The following CCN4 variants were observed in gnomAD, a reference collection of about 807,000 sequenced individuals.
The protein encoded by CCN4 is CCN family member 4.
In CCN4, 30 loss-of-function variants were observed where a neutral mutation model predicts 36.7. The observed-to-expected ratio is 0.82, with a 90% CI of 0.61 to 1.11. CCN4 has a LOEUF of 1.11. Ranked by LOEUF, CCN4 falls within the 50% of genes least tolerant of loss-of-function variation. The probability of loss-of-function intolerance (pLI) is 0.00; values close to 1 mark genes in which losing one functional copy is unlikely to be tolerated. For synonymous variants in CCN4, 191 were observed against 195.4 expected (o/e 0.98, Z 0.19); for missense variants, 505 against 504.9 (o/e 1.00, Z 0.00).
intron 1 of CCN4, among the ~76,000 whole-genome samples, chr8:133,211,806 G>C (rs542294730): frequency 6.6e-6 from 1 of 152,306 alleles, no homozygotes; most frequent in South Asian, 2.1e-4. Flanking sequence ...TCAAAGCCTG[G>C]CTCCCGTCCC....
At position 133,194,181 on chromosome 8, in the gene CCN4, C is replaced by T. The variant is rs191347377; in HGVS notation, c.69+2968C>T. Among the ~76,000 whole-genome samples the T allele has an allele frequency of 2.6e-5, 4 of 152,162 alleles. No individual in the cohort carries two copies. In the East Asian group the frequency reaches 7.7e-4, roughly 29 times the overall value. ...ACAGGTAAAACCCACATCCTCCCTC[C>T]TGTATCAGTGCATGTGGGATGTGCA... is the stretch of plus-strand genomic sequence containing the variant. On this transcript the variant is annotated intron_variant, in intron 1 of 4. Coordinates refer to ENST00000250160, the MANE Select transcript of CCN4 (RefSeq NM_003882.4).
At chr8:133,201,355 T>A (rs1325183580) in intron 1 of CCN4, among the ~76,000 whole-genome samples, 2 of 152,128 alleles carry the variant, frequency 1.3e-5, no homozygotes, top group East Asian at 3.8e-4. Context: ...TTAAAAAAAA[T>A]TATTTGGGAG....
intron 1 of CCN4, among the ~76,000 whole-genome samples, chr8:133,202,348 C>G (rs1481267510): frequency 6.6e-6 from 1 of 152,184 alleles, no homozygotes; most frequent in Non-Finnish European, 1.5e-5. Context: ...ATGCGGTTGC[C>G]TGTTTTACGT....
chr8:133,203,784 C>T (rs1429321116), intron 1 of CCN4, among the ~76,000 whole-genome samples: 2 of 152,208 alleles, frequency 1.3e-5, no homozygotes, highest in African/African-American at 4.8e-5. Context: ...TCTCCTTCAT[C>T]AAACGGGACG....
intron 1 of CCN4, among the ~76,000 whole-genome samples, chr8:133,210,384 G>GGGGTGT (rs1853965322): frequency 1.5e-5 from 2 of 131,062 alleles, no homozygotes; most frequent in African/African-American, 6.8e-5. Context: ...GTCAAAAAGA[G>GGGGTGT]GGGTGTGTGT....
At chr8:133,224,420 A>G (rs1234071831) in intron 3 of CCN4, among the ~76,000 whole-genome samples, 2 of 151,394 alleles carry the variant, frequency 1.3e-5, no homozygotes, top group Non-Finnish European at 2.9e-5. Flanking sequence ...TGTATTTTTT[A>G]GTAGAGATGG....
chr8:133,212,353 G>A (rs148339757), intron 1 of CCN4, among the ~76,000 whole-genome samples: 119 of 152,044 alleles, frequency 7.8e-4, no homozygotes, highest in African/African-American at 2.8e-3. Context: ...ATAATAATAG[G>A]TCAGCGGGCC....
chr8:133,225,330 G>C, intron 3 of CCN4, 60 bp from the exon 4 acceptor site: 1 of 1,501,448 alleles, frequency 6.7e-7, no homozygotes, highest in East Asian at 2.3e-5. Flanking sequence ...TGTGGTGAAA[G>C]TGAGGGTTGG....
At chr8:133,192,726 G>A (rs1853160338) in intron 1 of CCN4, among the ~76,000 whole-genome samples, 1 of 152,214 alleles carries the variant, frequency 6.6e-6, no homozygotes, top group African/African-American at 2.4e-5. Flanking sequence ...ATGGAGAAAA[G>A]GTGAGCGTTT....
chr8:133,220,680 C>T lies in CCN4; in HGVS notation c.449C>T (p.Ala150Val), dbSNP rs201971205. 8.7e-5 allele frequency: 141 copies of T among 1,614,008 alleles called. No individual in the cohort carries two copies. In the East Asian group the frequency reaches 2.5e-3, roughly 28 times the overall value. ...CKYNCTCIDGAVGCTPLCLRV... is the reference protein window; with the variant it reads ...CKYNCTCIDGVVGCTPLCLRV... ...TACAACTGCACGTGCATCGACGGCG[C>T]GGTGGGCTGCACACCACTGTGCCTC... Residue 150 changes from alanine to valine, a missense_variant, in exon 3 of 5, where the codon GCG (alanine) becomes GTG (valine). Coordinates refer to ENST00000250160, the MANE Select transcript of CCN4 (RefSeq NM_003882.4).
intron 1 of CCN4, 22 bp downstream of exon 1, chr8:133,191,235 T>A: frequency 1.2e-6 from 2 of 1,600,284 alleles, no homozygotes; most frequent in Non-Finnish European, 1.7e-6. Flanking sequence ...CTGGAGGGGC[T>A]CAGAGGGAGA....
At chr8:133,204,067 C>G (rs1037773888) in intron 1 of CCN4, among the ~76,000 whole-genome samples, 1 of 152,058 alleles carries the variant, frequency 6.6e-6, no homozygotes, top group Non-Finnish European at 1.5e-5. Context: ...TTAAGTTTGT[C>G]CAATAAGTAT....
chr8:133,220,147 A>G (rs2130607014), intron 2 of CCN4, among the ~76,000 whole-genome samples: 1 of 152,260 alleles, frequency 6.6e-6, no homozygotes. Context: ...AGAAGGCTCC[A>G]TGAATGTGTA....
At chr8:133,197,069 A>G (rs982041156) in intron 1 of CCN4, among the ~76,000 whole-genome samples, 2 of 152,032 alleles carry the variant, frequency 1.3e-5, no homozygotes, top group African/African-American at 4.8e-5. Flanking sequence ...TGTAGGAGAA[A>G]GAAATGATGA....
intron 2 of CCN4, among the ~76,000 whole-genome samples, chr8:133,214,873 A>C (rs776381678): frequency 3.0e-4 from 45 of 152,254 alleles, no homozygotes; most frequent in Non-Finnish European, 6.0e-4. Flanking sequence ...TCCTCAGCTA[A>C]CCATTATATT....
intron 1 of CCN4, among the ~76,000 whole-genome samples, chr8:133,210,129 C>T (rs1220163549): frequency 6.6e-6 from 1 of 152,200 alleles, no homozygotes; most frequent in Non-Finnish European, 1.5e-5. Context: ...TGAAGCCCTA[C>T]TGTGTGCTCT....
At chr8:133,207,994 GTT>G (rs33983896) in intron 1 of CCN4, among the ~76,000 whole-genome samples, 196 of 141,670 alleles carry the variant, frequency 1.4e-3, no homozygotes, top group East Asian at 4.3e-3. Flanking sequence ...CCTTTCAGCT[GTT>G]TTTTTTTTTT....
At chr8:133,217,283 C>T (rs1033507831) in intron 2 of CCN4, among the ~76,000 whole-genome samples, 1 of 152,202 alleles carries the variant, frequency 6.6e-6, no homozygotes, top group African/African-American at 2.4e-5. Flanking sequence ...AACAGAGCTA[C>T]AACAAGGCAT....
chr8:133,199,561 G>C (rs1219594818), intron 1 of CCN4, among the ~76,000 whole-genome samples: 1 of 152,206 alleles, frequency 6.6e-6, no homozygotes, highest in Non-Finnish European at 1.5e-5. Flanking sequence ...AAGCTGCTTT[G>C]AGATTAGACA....
Sources: gnomAD v4.1 joint callset for allele counts (sites outside exome capture counted in the v4.1 genomes callset) on GRCh38, gnomAD v4.1.1 for gene constraint, MANE v1.5 for transcripts, NCBI Gene and HGNC (gene_info 2026-07-23, HGNC 2026-07-21) for gene names.